PHAF1: variants seen among roughly 807,000 people sequenced by gnomAD.
PHAF1 encodes phagosome assembly factor 1.
PHAF1 carries 23 observed loss-of-function variants against 63.1 expected under a neutral mutation model. The observed-to-expected ratio is 0.36, with a 90% CI of 0.26 to 0.52. The LOEUF (loss-of-function observed/expected upper bound fraction) is 0.52. PHAF1 is among the 20% of genes least tolerant of loss of function. The pLI is 0.93. For synonymous variants in PHAF1, 167 were observed against 185.0 expected (o/e 0.90, Z 0.79); for missense variants, 427 against 517.2 (o/e 0.83, Z 1.69).
At chr16:67,118,919 G>A (rs757069888) in intron 1 of PHAF1, among the ~76,000 whole-genome samples, 32 of 151,598 alleles carry the variant, frequency 2.1e-4, no homozygotes, top group South Asian at 8.4e-4. Flanking sequence ...GAGTAGTCCC[G>A]GCATATCCCA....
intron 11 of PHAF1, 136 bp downstream of exon 11, chr16:67,144,512 C>A: frequency 1.4e-6 from 1 of 695,372 alleles, no homozygotes; most frequent in African/African-American, 1.8e-5. Context: ...AGTGAATTTC[C>A]TGAGTGCTTG....
intron 8 of PHAF1, chr16:67,135,927 G>A (rs1028396030): frequency 6.6e-6 from 1 of 152,118 alleles, no homozygotes; most frequent in African/African-American, 2.4e-5. Context: ...AGTTCTCAAC[G>A]TAGGCAAGCA....
At chr16:67,112,482 G>A (rs1215187801) in intron 1 of PHAF1, among the ~76,000 whole-genome samples, 1 of 151,618 alleles carries the variant, frequency 6.6e-6, no homozygotes, top group Non-Finnish European at 1.5e-5. Flanking sequence ...GCTGCCGTGG[G>A]TCATGATCAC....
chr16:67,113,095 C>G lies in PHAF1; in HGVS notation c.64+2856C>G, dbSNP rs536659655. Among the ~76,000 whole-genome samples, 6 of 152,316 alleles carry G rather than the reference C, an allele frequency of 3.9e-5. No homozygotes were observed. The South Asian group carries it at 1.0e-3, about 26-fold the overall frequency. On this transcript the variant is annotated intron_variant, in intron 1 of 15. Coordinates refer to ENST00000219139, the MANE Select transcript of PHAF1 (RefSeq NM_025187.5). ...TTATCTCTTTTTGCCAGGTGAGGGA[C>G]AGGCTCAGAGAGAGAGATGATAAAC... is the stretch of plus-strand genomic sequence containing the variant.
chr16:67,133,503 A>T (rs2145866334), intron 6 of PHAF1, among the ~76,000 whole-genome samples: 1 of 139,526 alleles, frequency 7.2e-6, no homozygotes, highest in African/African-American at 2.7e-5. Context: ...AAAAATATTA[A>T]AAAAAAAAAA....
chr16:67,113,748 C>T (rs567796666), intron 1 of PHAF1, among the ~76,000 whole-genome samples: 1 of 135,362 alleles, frequency 7.4e-6, no homozygotes, highest in Non-Finnish European at 1.6e-5. Context: ...CGCACCCAGC[C>T]TCTTTTTTTT....
At chr16:67,111,209 G>A (rs1047929792) in intron 1 of PHAF1, among the ~76,000 whole-genome samples, 16 of 152,236 alleles carry the variant, frequency 1.1e-4, no homozygotes, top group African/African-American at 3.4e-4. Context: ...TGAAATAGGA[G>A]TTAGGGAGAA....
intron 11 of PHAF1, 96 bp from the exon 12 acceptor site, chr16:67,144,738 T>G: frequency 1.5e-6 from 2 of 1,348,278 alleles, no homozygotes; most frequent in Non-Finnish European, 2.1e-6. Flanking sequence ...TGGGCAGGTG[T>G]GTTTGGTTCT....
Position 67,109,967 on chromosome 16 carries a change from C to G in PHAF1, c.-209C>G. 2 of 529,660 alleles carry G rather than the reference C, an allele frequency of 3.8e-6. No individual in the cohort carries two copies. The highest frequency in any genetic ancestry group is 5.0e-5 in the South Asian group (2 of 39,724). The allele number at this position is 529,660 out of a possible 1,614,324, so 32.8% of individuals were successfully genotyped here. A position where few individuals can be genotyped will look rare whatever the true frequency, so the allele number is the denominator to read the frequency against. On this transcript the variant is annotated 5_prime_UTR_variant, in exon 1 of 16. Transcript: ENST00000219139. Reference sequence around the variant, plus strand: ...CAGTCGCGCCCGCCGCCGTCGTTGCCCCCGCTGCCGCGGCTGCTGCAGGTG... The same window carrying G: ...CAGTCGCGCCCGCCGCCGTCGTTGCGCCCGCTGCCGCGGCTGCTGCAGGTG...
chr16:67,142,323 C>T (rs1053305378), intron 10 of PHAF1, among the ~76,000 whole-genome samples: 1 of 152,160 alleles, frequency 6.6e-6, no homozygotes, highest in Non-Finnish European at 1.5e-5. Flanking sequence ...CATGAGCAGG[C>T]CCGGAAAAAG....
intron 1 of PHAF1, among the ~76,000 whole-genome samples, chr16:67,118,016 G>T (rs371758709): frequency 2.0e-5 from 3 of 147,554 alleles, no homozygotes; most frequent in African/African-American, 7.5e-5. Flanking sequence ...GTGCAGTGGC[G>T]CAATCTTGGC....
intron 14 of PHAF1, 34 bp downstream of exon 14, chr16:67,145,662 C>G (rs746783542): frequency 3.6e-5 from 58 of 1,595,768 alleles, no homozygotes; most frequent in Non-Finnish European, 4.4e-5. Flanking sequence ...GGCCACCCCA[C>G]CTGACTCCTC....
Position 67,140,064 on chromosome 16 carries a change from G to A in PHAF1, c.742G>A (p.Val248Ile), listed in dbSNP as rs766607919. 5.6e-6 allele frequency: 9 copies of A among 1,614,050 alleles called. No individual in the cohort carries two copies. The highest frequency in any genetic ancestry group is 5.5e-5 in the South Asian group (5 of 91,084). The change falls in exon 9 of 16, where the codon GTT becomes ATT. Residue 248 changes from valine to isoleucine, a missense_variant. Transcript: ENST00000219139. Reference protein sequence around the residue: ...SVYFGDSCQDVLSMLGSPHKV... With the variant: ...SVYFGDSCQDILSMLGSPHKV... The stretch of plus-strand genomic sequence containing the variant: ...GTATTTTGGTGATTCCTGCCAAGAT[G>A]TTCTTAGCATGCTTGGCTCTCCACA...
At chr16:67,136,146 A>G (rs1468145629) in intron 8 of PHAF1, 1 of 152,238 alleles carries the variant, frequency 6.6e-6, no homozygotes, top group Non-Finnish European at 1.5e-5. Flanking sequence ...TCTGCTAAAA[A>G]TACAAAAATT....
intron 1 of PHAF1, among the ~76,000 whole-genome samples, chr16:67,112,442 G>A (rs554246287): frequency 6.6e-6 from 1 of 151,224 alleles, no homozygotes; most frequent in African/African-American, 2.4e-5. Flanking sequence ...AGGCTGAGAT[G>A]GAAGGATCAC....
chr16:67,144,385 A>C lies in PHAF1; in HGVS notation c.962+9A>C, dbSNP rs1364714111. 6.4e-7 allele frequency: 1 copy of C among 1,567,324 alleles called. No homozygotes were observed. The highest frequency in any genetic ancestry group is 1.7e-5 in the Admixed American group (1 of 59,916). On this transcript the variant is annotated intron_variant, in intron 11 of 15. Coordinates refer to ENST00000219139, the MANE Select transcript of PHAF1 (RefSeq NM_025187.5). The stretch of plus-strand genomic sequence containing the variant: ...CATTATAATTTCAACATGTGAGTAC[A>C]CCTGTCTGTACCTCCCCTCTGTGAA...
Position 67,148,349 on chromosome 16 carries a change from G to A in PHAF1, c.*1218G>A, listed in dbSNP as rs1428671567. 1 of 152,654 alleles carries A rather than the reference G, an allele frequency of 6.6e-6. No individual in the cohort carries two copies. Among genetic ancestry groups the A allele is most frequent in the Non-Finnish European group, 1.5e-5 (1 of 68,060 alleles). The allele number at this position is 152,654 out of a possible 1,614,324, so 9.5% of individuals were successfully genotyped here. On this transcript the variant is annotated 3_prime_UTR_variant, in exon 16 of 16. Coordinates refer to ENST00000219139, the MANE Select transcript of PHAF1 (RefSeq NM_025187.5). ...CTCCCGACTTTTGTGACTGACTGGTGTCTTCCCATTTGGACTGTGGCCTGG... is the reference window on the plus strand; with the variant it reads ...CTCCCGACTTTTGTGACTGACTGGTATCTTCCCATTTGGACTGTGGCCTGG...
At chr16:67,113,474 G>C (rs560430235) in intron 1 of PHAF1, among the ~76,000 whole-genome samples, 1 of 148,880 alleles carries the variant, frequency 6.7e-6, no homozygotes, top group African/African-American at 2.5e-5. Flanking sequence ...TTTTGAGACG[G>C]TGTCTCACTC....
chr16:67,113,662 G>A (rs1037578683), intron 1 of PHAF1, among the ~76,000 whole-genome samples: 1 of 151,674 alleles, frequency 6.6e-6, no homozygotes, highest in Non-Finnish European at 1.5e-5. Context: ...TGTTAGCCAG[G>A]ATGGTCTTGA....
Sources: allele counts gnomAD v4.1 joint callset (sites outside exome capture counted in the v4.1 genomes callset), GRCh38; gene constraint gnomAD v4.1.1; transcripts MANE v1.5; gene names NCBI Gene and HGNC (gene_info 2026-07-23, HGNC 2026-07-21).